Variants in NF1 observed in about 807,000 individuals in gnomAD.
NF1 encodes neurofibromin 1.
Under a neutral mutation model 325.7 loss-of-function variants are expected in NF1, and 122 were observed. That is an observed-to-expected ratio of 0.37 (90% CI 0.32 to 0.44). The LOEUF (loss-of-function observed/expected upper bound fraction) is 0.44, where lower values mean the gene tolerates loss of function less well. NF1 is among the 20% of genes least tolerant of loss of function. The probability of loss-of-function intolerance (pLI) is 1.00; values close to 1 mark genes in which losing one functional copy is unlikely to be tolerated. For missense variants in NF1, 2,140 were observed against 3,415.4 expected, an observed-to-expected ratio of 0.63 and a Z score of 9.31; for synonymous variants, 1,091 against 1,186.0, an observed-to-expected ratio of 0.92 and a Z score of 1.65.
chr17:31,177,658 C>T (rs1431908773), intron 5 of NF1, among the ~76,000 whole-genome samples: 2 of 151,852 alleles, frequency 1.3e-5, no homozygotes, highest in African/African-American at 4.8e-5. Flanking sequence ...GAATAACCAT[C>T]TTAGAGAAGA....
intron 33 of NF1, among the ~76,000 whole-genome samples, chr17:31,260,049 A>G (rs899087309): frequency 2.0e-5 from 3 of 152,150 alleles, no homozygotes; most frequent in African/African-American, 7.2e-5. Context: ...CAGGCTATAT[A>G]TCTTTGGGGA....
chr17:31,312,992 G>T (rs528057225), intron 36 of NF1, among the ~76,000 whole-genome samples: 1 of 151,984 alleles, frequency 6.6e-6, no homozygotes, highest in South Asian at 2.1e-4. Context: ...ACATAAACAC[G>T]TAGATGATAT....
chr17:31,245,715 A>G (rs1018342639), intron 29 of NF1, among the ~76,000 whole-genome samples: 2 of 152,202 alleles, frequency 1.3e-5, no homozygotes, highest in African/African-American at 4.8e-5. Context: ...CTCCAGGTGC[A>G]CTACCCTCCA....
intron 1 of NF1, among the ~76,000 whole-genome samples, chr17:31,121,996 A>G (rs1914480708): frequency 6.6e-6 from 1 of 152,182 alleles, no homozygotes; most frequent in African/African-American, 2.4e-5. Flanking sequence ...ATAATAGGCA[A>G]TTAAGTGTTG....
chr17:31,287,220 C>G (rs1442572416), intron 36 of NF1, among the ~76,000 whole-genome samples: 1 of 152,098 alleles, frequency 6.6e-6, no homozygotes, highest in East Asian at 1.9e-4. Flanking sequence ...GTTAACTACC[C>G]AAGAATCTCT....
intron 13 of NF1, 50 bp from the exon 14 acceptor site, chr17:31,218,955 C>G: frequency 6.6e-7 from 1 of 1,514,112 alleles, no homozygotes; most frequent in Non-Finnish European, 9.0e-7. Context: ...CTTCTAATCT[C>G]TCTCGATTTA....
intron 29 of NF1, among the ~76,000 whole-genome samples, chr17:31,243,184 CTGTG>C (rs377472053): frequency 0.015 from 2,096 of 137,522 alleles, 50 homozygotes; most frequent in African/African-American, 0.058. Context: ...CTCTCTCTGT[CTGTG>C]TGTGTGTGTG....
At chr17:31,360,730 T>A (rs1201988418) in intron 57 of NF1, 27 bp downstream of exon 57, 3 of 1,569,950 alleles carry the variant, frequency 1.9e-6, no homozygotes, top group Non-Finnish European at 2.6e-6. Flanking sequence ...TTTATATGAC[T>A]TTGAGCAACA....
intron 30 of NF1, 95 bp from the exon 31 acceptor site, chr17:31,252,843 A>G (rs932936376): frequency 2.2e-5 from 22 of 980,170 alleles, no homozygotes; most frequent in African/African-American, 1.3e-4. Flanking sequence ...TTTGTGTTAC[A>G]TTTTATGGTG....
Position 31,359,484 on chromosome 17 carries a change from G to A in NF1, c.8160+469G>A, listed in dbSNP as rs17884814. On this transcript the variant is annotated intron_variant, in intron 56 of 57. Transcript: ENST00000358273. ...TGTTTGTTTGTTTGTTTTGTGAGAC[G>A]GAGTCTCACTCTGTCTCCAGGCTGG... 286 of 187,882 alleles carry A rather than the reference G, an allele frequency of 1.5e-3. 2 individuals carry two copies. Among genetic ancestry groups the A allele is most frequent in the African/African-American group, 6.3e-3 (262 of 41,772 alleles). The allele number at this position is 187,882 out of a possible 1,614,324, so 11.6% of individuals were successfully genotyped here. A position where few individuals can be genotyped will look rare whatever the true frequency, so the allele number is the denominator to read the frequency against.
chr17:31,245,285 C>T (rs2151447385), intron 29 of NF1, among the ~76,000 whole-genome samples: 1 of 152,240 alleles, frequency 6.6e-6, no homozygotes, highest in East Asian at 1.9e-4. Context: ...GCATATAATC[C>T]CCATATTTAG....
At position 31,319,373 on chromosome 17, in the gene NF1, TAA is replaced by T. The variant is rs11295418; in HGVS notation, c.4836-6433_4836-6432del. Among the ~76,000 whole-genome samples, 14 of 143,088 alleles carry T rather than the reference TAA, an allele frequency of 9.8e-5. 1 individual carries two copies. Among genetic ancestry groups the T allele is most frequent in the South Asian group, 2.2e-4 (1 of 4,554 alleles). The allele number at this position is 143,088 out of a possible 152,430, so 93.9% of individuals were successfully genotyped here. ...GCTTTTACTTTTCTGATTCCTTCTT[TAA>T]AAAAAAAAAAAAATTAAGGATCATT... On this transcript the variant is annotated intron_variant, in intron 36 of 57. Coordinates refer to ENST00000358273, the MANE Select transcript of NF1 (RefSeq NM_001042492.3).
chr17:31,374,107 A>G lies in NF1; in HGVS notation c.8472A>G (p.Gln2824=), dbSNP rs2151601534. The part of the protein sequence containing the change: ...RHGSASQVQK[Q]RSAGSFKRNS... ...GATCCGCAAGCCAAGTGCAGAAGCA[A>G]AGAAGCGCTGGCAGTTTCAAACGTA... The change falls in exon 58 of 58, where the codon CAA becomes CAG. Residue 2824 remains glutamine, a synonymous_variant. Coordinates refer to ENST00000358273, the MANE Select transcript of NF1 (RefSeq NM_001042492.3). 1 of 1,614,104 alleles carries G rather than the reference A, an allele frequency of 6.2e-7. No individual in the cohort carries two copies. The highest frequency in any genetic ancestry group is 8.5e-7 in the Non-Finnish European group (1 of 1,179,962).
At chr17:31,321,812 G>T (rs531381538) in intron 36 of NF1, 1 of 151,996 alleles carries the variant, frequency 6.6e-6, no homozygotes, top group Non-Finnish European at 1.5e-5. Context: ...AGCAGGGAGG[G>T]TTTTCCACTT....
intron 48 of NF1, among the ~76,000 whole-genome samples, chr17:31,344,588 G>T (rs1448776785): frequency 2.6e-5 from 4 of 152,270 alleles, no homozygotes; most frequent in Middle Eastern, 6.8e-3. Context: ...GAGAGAGAGA[G>T]ATATGCATAC....
intron 36 of NF1, among the ~76,000 whole-genome samples, chr17:31,308,770 A>G (rs1199977810): frequency 6.6e-6 from 1 of 152,074 alleles, no homozygotes; most frequent in African/African-American, 2.4e-5. Flanking sequence ...TACAGCCCAA[A>G]CAGATCAGTC....
chr17:31,361,489 G>A (rs1023008042), intron 57 of NF1: 2 of 152,136 alleles, frequency 1.3e-5, no homozygotes, highest in Admixed American at 1.3e-4. Context: ...TTATGACAGT[G>A]AGTAATGAAG....
At chr17:31,288,598 A>G (rs11655645) in intron 36 of NF1, among the ~76,000 whole-genome samples, 1,772 of 146,122 alleles carry the variant, frequency 0.012, 29 homozygotes, top group South Asian at 0.017. Flanking sequence ...GTGCAGTGGC[A>G]TGATCTCGGC....
intron 1 of NF1, among the ~76,000 whole-genome samples, chr17:31,134,760 G>A (rs1333688487): frequency 6.6e-6 from 1 of 152,126 alleles, no homozygotes; most frequent in East Asian, 1.9e-4. Context: ...CTTTCTACTT[G>A]GGCTTCTCCA....
Sources: allele counts gnomAD v4.1 joint callset (sites outside exome capture counted in the v4.1 genomes callset), GRCh38; gene constraint gnomAD v4.1.1; transcripts MANE v1.5; gene names NCBI Gene and HGNC (gene_info 2026-07-23, HGNC 2026-07-21).